Variants in GOLPH3 observed in about 807,000 individuals in gnomAD.
GOLPH3 encodes coat protein GPP34.
Under a neutral mutation model 28.5 loss-of-function variants are expected in GOLPH3, and 14 were observed. That is an observed-to-expected ratio of 0.49 (90% confidence interval 0.32 to 0.77). GOLPH3 has a LOEUF of 0.77. GOLPH3 is among the 30% of genes least tolerant of loss of function. The probability of loss-of-function intolerance (pLI) is 0.03; values close to 1 mark genes in which losing one functional copy is unlikely to be tolerated. For missense variants in GOLPH3, 350 were observed against 393.7 expected (o/e 0.89, Z 0.94); for synonymous variants, 158 against 159.2 (o/e 0.99, Z 0.06).
At chr5:32,129,372 C>T (rs1210494977) in intron 3 of GOLPH3, among the ~76,000 whole-genome samples, 2 of 152,196 alleles carry the variant, frequency 1.3e-5, no homozygotes, top group African/African-American at 4.8e-5. Context: ...GGTAAGCTCT[C>T]AGTAAATGTT....
At position 32,141,851 on chromosome 5, in the gene GOLPH3, G is replaced by A. The variant is rs1178746129; in HGVS notation, c.357+1898C>T. Among the ~76,000 whole-genome samples, 6 of 151,900 alleles carry A rather than the reference G, an allele frequency of 3.9e-5. No individual in the cohort carries two copies. In the East Asian group the frequency reaches 1.2e-3, roughly 29 times the overall value. On this transcript the variant is annotated intron_variant, in intron 2 of 3. Transcript: ENST00000265070. ...GCTCCTAACCGCGAGTGATCCGCCA[G>A]CCTCGGCCTCCCGAGGTGCCGGGAT...
chr5:32,161,246 T>C (rs2111886776), intron 1 of GOLPH3, among the ~76,000 whole-genome samples: 1 of 149,474 alleles, frequency 6.7e-6, no homozygotes, highest in East Asian at 2.0e-4. Flanking sequence ...CTACAAAAAA[T>C]ACAAAAAGTA....
At chr5:32,132,870 G>A (rs1331861803) in intron 3 of GOLPH3, among the ~76,000 whole-genome samples, 2 of 151,998 alleles carry the variant, frequency 1.3e-5, no homozygotes, top group Admixed American at 1.3e-4. Context: ...CATGTTATTT[G>A]CCAGGAGATT....
intron 1 of GOLPH3, among the ~76,000 whole-genome samples, chr5:32,152,381 T>C (rs1746326487): frequency 6.9e-6 from 1 of 144,864 alleles, no homozygotes; most frequent in Non-Finnish European, 1.5e-5. Context: ...CACCTCAGCC[T>C]CCCAAAGTGC....
intron 3 of GOLPH3, among the ~76,000 whole-genome samples, chr5:32,127,925 T>C (rs1015627121): frequency 6.6e-6 from 1 of 151,964 alleles, no homozygotes; most frequent in Non-Finnish European, 1.5e-5. Flanking sequence ...GCTTACCACC[T>C]AGAGGCACGT....
At chr5:32,148,803 A>G in intron 1 of GOLPH3, among the ~76,000 whole-genome samples, 1 of 152,146 alleles carries the variant, frequency 6.6e-6, no homozygotes, top group East Asian at 1.9e-4. Flanking sequence ...TCTCAAAAAA[A>G]ATAAAAAATA....
At chr5:32,163,458 A>T (rs1746638334) in intron 1 of GOLPH3, among the ~76,000 whole-genome samples, 1 of 152,170 alleles carries the variant, frequency 6.6e-6, no homozygotes, top group African/African-American at 2.4e-5. Flanking sequence ...GTTCAAGACC[A>T]GCTTGGCCAA....
rs371580891 is a variant in GOLPH3 at position 32,173,807 on chromosome 5, C to A, written c.225+3G>T. The A allele has an allele frequency of 4.2e-6, 6 of 1,427,126 alleles. No individual in the cohort carries two copies. The African/African-American group carries it at 7.4e-5, about 18-fold the overall frequency. The allele number at this position is 1,427,126 out of a possible 1,614,324, so 88.4% of individuals were successfully genotyped here. On this transcript the variant is annotated splice_donor_region_variant and intron_variant, in intron 1 of 3. Transcript: ENST00000265070. ...CCCCCCGCCCAGCCCGCCGCGCCCG[C>A]ACCTCGCGGTCCTTGAGGCCCAGCA...
chr5:32,158,128 A>AAATAAATAAAT (rs1554049292), intron 1 of GOLPH3, among the ~76,000 whole-genome samples: 2 of 41,692 alleles, frequency 4.8e-5, no homozygotes, highest in African/African-American at 1.9e-4. Flanking sequence ...ATAAATAAAT[A>AAATAAATAAAT]AAATACACAC....
At chr5:32,152,598 G>A (rs544601976) in intron 1 of GOLPH3, among the ~76,000 whole-genome samples, 3 of 150,326 alleles carry the variant, frequency 2.0e-5, no homozygotes, top group South Asian at 2.1e-4. Context: ...CCTGGCCAAC[G>A]TGGCAAAATG....
chr5:32,126,493 T>C lies in GOLPH3; in HGVS notation c.616A>G (p.Asn206Asp), dbSNP rs1321628082. The stretch of plus-strand genomic sequence containing the variant: ...ATGAGGCGCTGCTTAATGTTGTTAT[T>C]GGTGAGGGGATGTGTTGTCATGTCA... ...LFDMTTHPLT[N>D]NNIKQRLIKK... Residue 206 changes from asparagine to aspartate, a missense_variant, in exon 4 of 4, where the codon AAT (asparagine) becomes GAT (aspartate). Physicochemically the swap from Asn to Asp is conservative, Grantham distance 23. Coordinates refer to ENST00000265070, the MANE Select transcript of GOLPH3 (RefSeq NM_022130.4). The C allele has an allele frequency of 1.2e-6, 2 of 1,614,180 alleles. No homozygotes were observed. Among genetic ancestry groups the C allele is most frequent in the South Asian group, 1.1e-5 (1 of 91,076 alleles).
chr5:32,147,315 GAA>G (rs1308854660), intron 1 of GOLPH3, among the ~76,000 whole-genome samples: 1 of 152,064 alleles, frequency 6.6e-6, no homozygotes, highest in African/African-American at 2.4e-5. Context: ...ACAGCCTACA[GAA>G]TATTACAATT....
chr5:32,151,397 A>T (rs1476324722), intron 1 of GOLPH3, among the ~76,000 whole-genome samples: 4 of 152,172 alleles, frequency 2.6e-5, no homozygotes, highest in African/African-American at 7.2e-5. Flanking sequence ...GCGATAGCAC[A>T]TGCCTGTAGA....
Position 32,143,761 on chromosome 5 carries a change from T to C in GOLPH3, c.345A>G (p.Leu115=), listed in dbSNP as rs141383719. 1.3e-4 allele frequency: 205 copies of C among 1,608,452 alleles called. No individual in the cohort carries two copies. In the African/African-American group the frequency reaches 2.6e-3, roughly 20 times the overall value. Residue 115 remains leucine, a synonymous_variant, in exon 2 of 4, where the codon CTA becomes CTG. Coordinates refer to ENST00000265070, the MANE Select transcript of GOLPH3 (RefSeq NM_022130.4). ...LEACGMRRKS[L]LTRKVICKSD... ...GCACTCCTCTTACCTTTCTTGTTAA[T>C]AGACTTTTACGTCTCATTCCACAAG... is the stretch of plus-strand genomic sequence containing the variant.
chr5:32,137,930 G>T (rs1332798194), intron 2 of GOLPH3, among the ~76,000 whole-genome samples: 1 of 140,172 alleles, frequency 7.1e-6, no homozygotes, highest in African/African-American at 2.6e-5. Flanking sequence ...TTGAGATGGA[G>T]TCTCACTCTG....
intron 1 of GOLPH3, among the ~76,000 whole-genome samples, chr5:32,161,249 A>G (rs1307549970): frequency 1.3e-5 from 2 of 150,540 alleles, no homozygotes; most frequent in East Asian, 3.9e-4. Flanking sequence ...CAAAAAATAC[A>G]AAAAGTAGCC....
chr5:32,132,127 GC>G (rs1745838186), intron 3 of GOLPH3, among the ~76,000 whole-genome samples: 1 of 152,178 alleles, frequency 6.6e-6, no homozygotes, highest in Non-Finnish European at 1.5e-5. Context: ...CTGCACTACA[GC>G]CTGGGTGATG....
Position 32,174,163 on chromosome 5 carries a change from C to T in GOLPH3, c.-129G>A. ...CGGACGCCGGGGCGACGTCCGTCGG[C>T]AGCAGGGCCGGGGGCAGTCATGAGG... On this transcript the variant is annotated 5_prime_UTR_variant, in exon 1 of 4. Transcript: ENST00000265070. 1 of 537,128 alleles carries T rather than the reference C, an allele frequency of 1.9e-6. No individual in the cohort carries two copies. The highest frequency in any genetic ancestry group is 2.8e-6 in the Non-Finnish European group (1 of 356,434). The allele number at this position is 537,128 out of a possible 1,614,324, so 33.3% of individuals were successfully genotyped here.
intron 1 of GOLPH3, among the ~76,000 whole-genome samples, chr5:32,154,421 G>C (rs76810384): frequency 0.038 from 5,821 of 152,262 alleles, 398 homozygotes; most frequent in African/African-American, 0.13. Flanking sequence ...GTAGTAGTGA[G>C]CAAAGACAGT....
Sources: allele counts gnomAD v4.1 joint callset (sites outside exome capture counted in the v4.1 genomes callset), GRCh38; gene constraint gnomAD v4.1.1; transcripts MANE v1.5; gene names NCBI Gene and HGNC (gene_info 2026-07-23, HGNC 2026-07-21).